The following NFATC2 variants were observed in gnomAD, a reference collection of about 807,000 sequenced individuals.
NFATC2 encodes nuclear factor of activated T-cells, cytoplasmic 2.
In NFATC2, 22 loss-of-function variants were observed where a neutral mutation model predicts 87.3. The ratio of observed to expected loss-of-function variants is 0.25; its 90% CI spans 0.18 to 0.36. The LOEUF is 0.36. Ranked by LOEUF, NFATC2 falls within the 10% of genes least tolerant of loss-of-function variation. The pLI is 1.00. For missense variants in NFATC2, 1,149 were observed against 1,259.1 expected, an observed-to-expected ratio of 0.91 and a Z score of 1.32; for synonymous variants, 565 against 542.2, an observed-to-expected ratio of 1.04 and a Z score of -0.58.
intron 6 of NFATC2, among the ~76,000 whole-genome samples, chr20:51,439,536 G>A (rs570643499): frequency 2.6e-5 from 4 of 152,322 alleles, no homozygotes; most frequent in Non-Finnish European, 5.9e-5. Context: ...CCAAAGTGAG[G>A]CGGTGAGCCG....
chr20:51,533,513 G>A (rs1256521997), intron 1 of NFATC2, among the ~76,000 whole-genome samples: 3 of 152,206 alleles, frequency 2.0e-5, no homozygotes, highest in Non-Finnish European at 4.4e-5. Flanking sequence ...AATTCCATCT[G>A]GATAAATCAG....
chr20:51,411,769 C>A (rs562143757), intron 9 of NFATC2, among the ~76,000 whole-genome samples: 2 of 152,212 alleles, frequency 1.3e-5, no homozygotes, highest in African/African-American at 4.8e-5. Context: ...CTCAAGTGAT[C>A]CACCTGCCTT....
At chr20:51,558,381 C>T (rs941921898) in intron 1 of NFATC2, among the ~76,000 whole-genome samples, 1 of 151,674 alleles carries the variant, frequency 6.6e-6, no homozygotes, top group Non-Finnish European at 1.5e-5. Flanking sequence ...TTCTTCCAGT[C>T]AGGAAGTATA....
chr20:51,473,346 G>T (rs1312162762), intron 5 of NFATC2, among the ~76,000 whole-genome samples: 2 of 152,072 alleles, frequency 1.3e-5, no homozygotes, highest in East Asian at 1.9e-4. Flanking sequence ...GGGACAGGGT[G>T]GGGGACAGGG....
intron 3 of NFATC2, among the ~76,000 whole-genome samples, chr20:51,483,040 C>G (rs755898140): frequency 5.9e-5 from 9 of 152,214 alleles, no homozygotes; most frequent in Admixed American, 3.9e-4. Flanking sequence ...GAGCCCCACT[C>G]TACATTTGGC....
At chr20:51,530,780 T>C (rs1302689682) in intron 1 of NFATC2, among the ~76,000 whole-genome samples, 1 of 152,118 alleles carries the variant, frequency 6.6e-6, no homozygotes, top group African/African-American at 2.4e-5. Context: ...CCATCATGAC[T>C]TGACCTGAGC....
intron 3 of NFATC2, among the ~76,000 whole-genome samples, chr20:51,492,694 G>A (rs922193435): frequency 6.6e-6 from 1 of 152,238 alleles, no homozygotes; most frequent in Admixed American, 6.5e-5. Context: ...CCCTTGGGGA[G>A]CAGGAGGCGG....
At chr20:51,451,781 G>A (rs1025779315) in intron 6 of NFATC2, among the ~76,000 whole-genome samples, 1 of 152,188 alleles carries the variant, frequency 6.6e-6, no homozygotes, top group Admixed American at 6.5e-5. Context: ...TCTAGGTTGT[G>A]CACGCCTTAG....
chr20:51,483,618 C>T (rs1989466275), intron 3 of NFATC2, among the ~76,000 whole-genome samples: 1 of 144,224 alleles, frequency 6.9e-6, no homozygotes, highest in Non-Finnish European at 1.5e-5. Context: ...CCCCCCACCA[C>T]ACACACACAC....
chr20:51,549,073 G>A lies in NFATC2; in HGVS notation c.70+13487C>T, dbSNP rs148058555. Among the ~76,000 whole-genome samples the A allele has an allele frequency of 1.9e-4, 29 of 152,204 alleles. No individual in the cohort carries two copies. In the East Asian group the frequency reaches 4.4e-3, roughly 23 times the overall value. On this transcript the variant is annotated intron_variant, in intron 1 of 10. Coordinates refer to the NFATC2 transcript ENST00000414705. ...ACCTGGAGACTGAGATGGAAGGATC[G>A]CTCAAGCCCATGAGTCTGAGACGGC...
intron 3 of NFATC2, among the ~76,000 whole-genome samples, chr20:51,507,983 G>A (rs2076212829): frequency 6.6e-6 from 1 of 152,148 alleles, no homozygotes; most frequent in Non-Finnish European, 1.5e-5. Context: ...GCACACACGA[G>A]GGCCCCAACA....
At chr20:51,407,111 C>T (rs1978446168) in intron 9 of NFATC2, among the ~76,000 whole-genome samples, 1 of 152,222 alleles carries the variant, frequency 6.6e-6, no homozygotes, top group Non-Finnish European at 1.5e-5. Context: ...TGGACTCCTG[C>T]TCTTGCCTTA....
chr20:51,397,130 T>A (rs987001722), intron 10 of NFATC2, among the ~76,000 whole-genome samples: 2 of 152,182 alleles, frequency 1.3e-5, no homozygotes, highest in Non-Finnish European at 2.9e-5. Context: ...TGACCTTGCC[T>A]CGGCCTCCCA....
At position 51,561,436 on chromosome 20, in the gene NFATC2, A is replaced by AAAGAAAGAAAGAAAGG. The variant is rs1568765467; in HGVS notation, c.70+1123_70+1124insCCTTTCTTTCTTTCTT. Among the ~76,000 whole-genome samples, 17 of 69,600 alleles carry AAAGAAAGAAAGAAAGG rather than the reference A, an allele frequency of 2.4e-4. 1 individual carries two copies. Among genetic ancestry groups the AAAGAAAGAAAGAAAGG allele is most frequent in the East Asian group, 4.3e-4 (1 of 2,318 alleles). The allele number at this position is 69,600 out of a possible 152,430, so 45.7% of individuals were successfully genotyped here. ...AGAAAGAAAGAGAGAGAAAGAAAAGAAAGAAAGAAAGAAAGAAAGAAAGAA... is the reference window on the plus strand; with the variant it reads ...AGAAAGAAAGAGAGAGAAAGAAAAGAAAGAAAGAAAGAAAGGAAGAAAGAAAGAAAGAAAGAAAGAA... On this transcript the variant is annotated intron_variant, in intron 1 of 10. Transcript: ENST00000414705.
chr20:51,558,390 T>A (rs75746121), intron 1 of NFATC2, among the ~76,000 whole-genome samples: 12,810 of 152,082 alleles, frequency 0.084, 660 homozygotes, highest in Non-Finnish European at 0.12. Context: ...TCAGGAAGTA[T>A]AAATAATCAG....
intron 1 of NFATC2, among the ~76,000 whole-genome samples, chr20:51,552,376 C>T (rs1230713869): frequency 6.6e-6 from 1 of 152,188 alleles, no homozygotes; most frequent in Admixed American, 6.5e-5. Context: ...TTTGCTCCCC[C>T]AAATGCCTCA....
At chr20:51,504,690 C>T (rs921099170) in intron 3 of NFATC2, among the ~76,000 whole-genome samples, 5 of 152,170 alleles carry the variant, frequency 3.3e-5, no homozygotes, top group African/African-American at 7.2e-5. Flanking sequence ...AGGTTTAGTT[C>T]GTGGTTCCCC....
At chr20:51,551,981 C>T (rs1335183851) in intron 1 of NFATC2, among the ~76,000 whole-genome samples, 1 of 151,476 alleles carries the variant, frequency 6.6e-6, no homozygotes, top group Non-Finnish European at 1.5e-5. Flanking sequence ...GAGCTGAGAT[C>T]ACGCCACTGC....
At chr20:51,395,970 C>A (rs1298100606) in intron 10 of NFATC2, among the ~76,000 whole-genome samples, 1 of 147,644 alleles carries the variant, frequency 6.8e-6, no homozygotes, top group African/African-American at 2.5e-5. Flanking sequence ...TCCAATAAAA[C>A]TTCATTTGCC....
Sources: allele counts gnomAD v4.1 joint callset (sites outside exome capture counted in the v4.1 genomes callset), GRCh38; gene constraint gnomAD v4.1.1; transcripts MANE v1.5; gene names NCBI Gene and HGNC (gene_info 2026-07-23, HGNC 2026-07-21).